FBN3: variants seen among roughly 807,000 people sequenced by gnomAD.
The protein encoded by FBN3 is fibrillin 3, also known as fibrillin-3.
In FBN3, 234 loss-of-function variants were observed where a neutral mutation model predicts 330.1. The ratio of observed to expected loss-of-function variants is 0.71; its 90% CI spans 0.64 to 0.79. FBN3 has a LOEUF of 0.79. Ranked by LOEUF, FBN3 falls within the 30% of genes least tolerant of loss-of-function variation. FBN3 has a pLI of 0.00. For synonymous variants in FBN3, 1,458 were observed against 1,517.3 expected (o/e 0.96, Z 0.91); for missense variants, 3,606 against 3,886.9 (o/e 0.93, Z 1.92).
rs1568386153 is a variant in FBN3 at position 8,095,457 on chromosome 19, G to A, written c.5703C>T (p.Gly1901=). 6.2e-7 allele frequency: 1 copy of A among 1,613,424 alleles called. No homozygotes were observed. Among genetic ancestry groups the A allele is most frequent in the Admixed American group, 1.7e-5 (1 of 59,982 alleles). Residue 1901 remains glycine, a synonymous_variant, in exon 46 of 64, where the codon GGC becomes GGT. Coordinates refer to ENST00000600128, the MANE Select transcript of FBN3 (RefSeq NM_032447.5). ...TTLVGQVCRF[G]HCLNTAGSFH... The stretch of plus-strand genomic sequence containing the variant: ...AGGAACCAGCTGTGTTGAGGCAATG[G>A]CCAAATCGGCACACCTGCCCCACCA...
chr19:8,103,488 G>C (rs542459182), intron 39 of FBN3, 74 bp downstream of exon 39: 27 of 1,494,292 alleles, frequency 1.8e-5, no homozygotes, highest in South Asian at 2.4e-5. Flanking sequence ...AGGCTTGAAG[G>C]CTCCCAGCAG....
chr19:8,069,892 C>T lies in FBN3; in HGVS notation c.8088+2156G>A, dbSNP rs372041120. Reference sequence around the variant, plus strand: ...TCTGAGGTGGGCTGATCACTTGAGGCCAGGAGTTTGAGACCAGCCTGGCCA... The same window carrying T: ...TCTGAGGTGGGCTGATCACTTGAGGTCAGGAGTTTGAGACCAGCCTGGCCA... On this transcript the variant is annotated intron_variant, in intron 63 of 63. Transcript: ENST00000600128. Among the ~76,000 whole-genome samples, 193 of 152,252 alleles carry T rather than the reference C, an allele frequency of 1.3e-3. 2 individuals carry two copies. In the South Asian group the frequency reaches 0.036, roughly 28 times the overall value.
At chr19:8,128,707 G>A (rs2083052433) in intron 18 of FBN3, among the ~76,000 whole-genome samples, 1 of 152,192 alleles carries the variant, frequency 6.6e-6, no homozygotes, top group Admixed American at 6.5e-5. Context: ...CTGAATGTGT[G>A]TCTGTGTATA....
At chr19:8,080,473 G>T (rs1431773534) in intron 59 of FBN3, among the ~76,000 whole-genome samples, 1 of 152,220 alleles carries the variant, frequency 6.6e-6, no homozygotes, top group East Asian at 1.9e-4. Context: ...GGGAAGGCAA[G>T]ATGCCATAAG....
Position 8,106,192 on chromosome 19 carries a change from C to A in FBN3, c.4729G>T (p.Gly1577Cys). ...CQELPGLCQGGDCVNTFGSFQ... is the reference protein window; with the variant it reads ...CQELPGLCQGCDCVNTFGSFQ... ...CTGCCAAACGTGTTGACGCAGTCACCCCCCTGACACAGCCCTGGCAGCTCT... is the reference window on the plus strand; with the variant it reads ...CTGCCAAACGTGTTGACGCAGTCACACCCCTGACACAGCCCTGGCAGCTCT... The change falls in exon 38 of 64, where the codon GGT becomes TGT. Residue 1577 changes from glycine (G) to cysteine (C), a missense_variant. By Grantham distance (159) the Gly-to-Cys change is radical. Transcript: ENST00000600128. The A allele has an allele frequency of 6.2e-7, 1 of 1,614,122 alleles. No homozygotes were observed. The highest frequency in any genetic ancestry group is 8.5e-7 in the Non-Finnish European group (1 of 1,180,012).
At chr19:8,098,842 T>C (rs574422785) in intron 41 of FBN3, among the ~76,000 whole-genome samples, 1 of 151,596 alleles carries the variant, frequency 6.6e-6, no homozygotes, top group African/African-American at 2.4e-5. Context: ...TATCTATCAA[T>C]AGGGGACTGG....
chr19:8,109,367 A>T lies in FBN3; in HGVS notation c.4478T>A (p.Phe1493Tyr), dbSNP rs1284137117. ...GTCCCCTCGGTCATGCGTCTCCAGG[A>T]AACAGTTCCCGGCCCGAGTGTCTGA... ...GCVDTRAGNC[F>Y]LETHDRGDSG... The change falls in exon 36 of 64, where the codon TTC becomes TAC. Residue 1493 changes from phenylalanine (F) to tyrosine (Y), a missense_variant. Transcript: ENST00000600128. This position sits in a 1 kb window ranked among gnomAD's most constrained non-coding sequence, Gnocchi z 5.2. The T allele has an allele frequency of 6.2e-7, 1 of 1,614,170 alleles. No individual in the cohort carries two copies. Among genetic ancestry groups the T allele is most frequent in the Non-Finnish European group, 8.5e-7 (1 of 1,180,030 alleles).
intron 55 of FBN3, 133 bp from the exon 56 acceptor site, chr19:8,085,702 C>T: frequency 1.5e-6 from 1 of 649,054 alleles, no homozygotes; most frequent in Non-Finnish European, 2.6e-6. Context: ...GTTGGATACA[C>T]AGGACAGATG....
Position 8,096,732 on chromosome 19 carries a change from C to G in FBN3, c.5413+149G>C. 1 of 1,279,570 alleles carries G rather than the reference C, an allele frequency of 7.8e-7. No individual in the cohort carries two copies. The highest frequency in any genetic ancestry group is 1.4e-5 in the South Asian group (1 of 72,918). The allele number at this position is 1,279,570 out of a possible 1,614,324, so 79.3% of individuals were successfully genotyped here. ...CATGGACCTGAGCTCTCACCTCTAT[C>G]ACATCCTATTAACAGACACTCTCAA... On this transcript the variant is annotated intron_variant, in intron 43 of 63. Coordinates refer to ENST00000600128, the MANE Select transcript of FBN3 (RefSeq NM_032447.5). The surrounding 1 kb of genome is among the most constrained non-coding windows in gnomAD (Gnocchi z 4.6).
At chr19:8,072,966 C>CGTGTGTGTGTATGT in intron 62 of FBN3, 97 bp downstream of exon 62, 1 of 643,270 alleles carries the variant, frequency 1.6e-6, no homozygotes, top group Non-Finnish European at 2.7e-6. Context: ...CACAAAGCCC[C>CGTGTGTGTGTATGT]GTGTGTGTGT....
At chr19:8,071,914 A>G (rs923966441) in intron 63 of FBN3, 134 bp downstream of exon 63, 9 of 894,318 alleles carry the variant, frequency 1.0e-5, no homozygotes, top group African/African-American at 6.9e-5. Context: ...GCACCATGAC[A>G]TGGGGAACCT....
chr19:8,147,135 C>T lies in FBN3; in HGVS notation c.219G>A (p.Arg73=), dbSNP rs145040385. ...CACACTGGCTCCTGCCAGGGAATGT[C>T]CTCCAGCCTGGACAGCAGTAGGCAT... ...RFHAYCCPGW[R]TFPGRSQCVV... The change falls in exon 3 of 64, where the codon AGG becomes AGA. Residue 73 remains arginine (R), a synonymous_variant. Transcript: ENST00000600128. 14 of 1,571,300 alleles carry T rather than the reference C, an allele frequency of 8.9e-6. No homozygotes were observed. The African/African-American group carries it at 1.5e-4, about 17-fold the overall frequency.
chr19:8,136,996 G>A (rs2083299224), intron 10 of FBN3, among the ~76,000 whole-genome samples: 1 of 146,860 alleles, frequency 6.8e-6, no homozygotes, highest in Non-Finnish European at 1.5e-5. Context: ...CTGGGGCCTG[G>A]ATCCCTCCAA....
intron 1 of FBN3, among the ~76,000 whole-genome samples, chr19:8,148,078 G>C (rs911365361): frequency 6.6e-6 from 1 of 151,970 alleles, no homozygotes; most frequent in Non-Finnish European, 1.5e-5. Context: ...AGAGCGTCCA[G>C]GGTAGGAGGA....
intron 59 of FBN3, among the ~76,000 whole-genome samples, chr19:8,079,654 G>A (rs751134861): frequency 1.3e-5 from 2 of 152,106 alleles, no homozygotes; most frequent in South Asian, 2.1e-4. Flanking sequence ...GCACTGGCAC[G>A]ATCTCGGCTC....
intron 56 of FBN3, 117 bp from the exon 57 acceptor site, chr19:8,083,489 C>G: frequency 8.1e-7 from 1 of 1,236,554 alleles, no homozygotes; most frequent in Non-Finnish European, 1.1e-6. Flanking sequence ...GCCTCCCTTC[C>G]ACACCGGCCA....
chr19:8,118,005 C>T (rs1396502744), intron 26 of FBN3, among the ~76,000 whole-genome samples: 1 of 152,056 alleles, frequency 6.6e-6, no homozygotes, highest in Admixed American at 6.6e-5. Flanking sequence ...GGCACACTCA[C>T]ACCCATGTGC....
intron 8 of FBN3, 96 bp from the exon 9 acceptor site, chr19:8,138,660 G>T: frequency 1.5e-6 from 2 of 1,307,646 alleles, no homozygotes; most frequent in Non-Finnish European, 1.0e-6. Context: ...TGTAGGACGG[G>T]TCTGTTTGCC....
chr19:8,088,429 G>A (rs1479715090), intron 51 of FBN3, among the ~76,000 whole-genome samples: 2 of 151,978 alleles, frequency 1.3e-5, no homozygotes, highest in East Asian at 1.9e-4. Flanking sequence ...GAATGAATGA[G>A]CCAGTGAATG....
Sources: gnomAD v4.1 joint callset for allele counts (sites outside exome capture counted in the v4.1 genomes callset) on GRCh38, gnomAD v4.1.1 for gene constraint, Gnocchi (gnomAD v3.1) non-coding constraint, MANE v1.5 for transcripts, NCBI Gene and HGNC (gene_info 2026-07-23, HGNC 2026-07-21) for gene names.